The following PSMA5 variants were observed in gnomAD, a reference collection of about 807,000 sequenced individuals.
The protein encoded by PSMA5 is proteasome subunit alpha type-5.
In PSMA5, 3 loss-of-function variants were observed where a neutral mutation model predicts 34.5. That is an observed-to-expected ratio of 0.09 (90% CI 0.04 to 0.22). The LOEUF is 0.22. Among genes scored for constraint, PSMA5 ranks in the 10% least tolerant of loss-of-function variants. PSMA5 has a pLI of 1.00. For synonymous variants in PSMA5, 88 were observed against 95.8 expected, an observed-to-expected ratio of 0.92 and a Z score of 0.47; for missense variants, 120 against 286.1, an observed-to-expected ratio of 0.42 and a Z score of 4.19.
chr1:109,405,511 C>T (rs1230987828), intron 8 of PSMA5, among the ~76,000 whole-genome samples: 1 of 134,388 alleles, frequency 7.4e-6, no homozygotes, highest in Non-Finnish European at 1.5e-5. Context: ...GATTCCAGCT[C>T]ACTGCAACCT....
At chr1:109,423,268 G>A (rs1476156772) in intron 1 of PSMA5, among the ~76,000 whole-genome samples, 1 of 152,036 alleles carries the variant, frequency 6.6e-6, no homozygotes, top group African/African-American at 2.4e-5. Flanking sequence ...GTGAAACCCC[G>A]TCTCTACTAA....
At chr1:109,406,284 A>G (rs1653756743) in intron 8 of PSMA5, among the ~76,000 whole-genome samples, 1 of 152,232 alleles carries the variant, frequency 6.6e-6, no homozygotes. Context: ...AGCAGTGGAG[A>G]TAATACAGGT....
At chr1:109,402,887 T>C (rs1213088450) in intron 8 of PSMA5, among the ~76,000 whole-genome samples, 1 of 152,148 alleles carries the variant, frequency 6.6e-6, no homozygotes, top group Non-Finnish European at 1.5e-5. Context: ...GTATTTTTAG[T>C]AGAGACGGCG....
intron 2 of PSMA5, among the ~76,000 whole-genome samples, chr1:109,416,411 G>A (rs1352026512): frequency 2.0e-5 from 3 of 152,070 alleles, no homozygotes; most frequent in Admixed American, 2.0e-4. Flanking sequence ...CTCAAGCCAC[G>A]TTATCTCCTA....
chr1:109,414,807 T>G (rs112021105), intron 3 of PSMA5: 10 of 154,086 alleles, frequency 6.5e-5, no homozygotes, highest in Non-Finnish European at 1.4e-5. Flanking sequence ...GTAGAATTAC[T>G]CACCCTGTAA....
At chr1:109,405,707 T>C (rs1401168746) in intron 8 of PSMA5, among the ~76,000 whole-genome samples, 1 of 152,216 alleles carries the variant, frequency 6.6e-6, no homozygotes, top group Non-Finnish European at 1.5e-5. Context: ...ACCAAAGTGC[T>C]GGGATTACAG....
intron 2 of PSMA5, among the ~76,000 whole-genome samples, chr1:109,418,968 A>C (rs1654325484): frequency 6.6e-6 from 1 of 152,190 alleles, no homozygotes. Context: ...TAGCCTGACC[A>C]ACATGGACAA....
In PSMA5 at chr1:109,401,981, T is replaced by C. The variant is rs754958195; in HGVS notation, c.*32A>G. On this transcript the variant is annotated 3_prime_UTR_variant, in exon 9 of 9. Transcript: ENST00000271308. ...TTAAGGACATTATTAGAACTGAAATTGTCCCAGAGAAGTTCTGAGGATCAG... is the reference window on the plus strand; with the variant it reads ...TTAAGGACATTATTAGAACTGAAATCGTCCCAGAGAAGTTCTGAGGATCAG... 8.0e-6 allele frequency: 12 copies of C among 1,507,000 alleles called. No homozygotes were observed. The Admixed American group carries it at 2.1e-4, about 26-fold the overall frequency. 93.4% of individuals were successfully genotyped at this position (1,507,000 alleles called of 1,614,324 possible).
rs191752197 is a variant in PSMA5 at position 109,415,099 on chromosome 1, C to T, written c.223+138G>A. The T allele has an allele frequency of 2.3e-4, 242 of 1,038,098 alleles. No homozygotes were observed. In the African/African-American group the frequency reaches 3.5e-3, roughly 15 times the overall value. 64.3% of individuals were successfully genotyped at this position (1,038,098 alleles called of 1,614,324 possible). A position where few individuals can be genotyped will look rare whatever the true frequency, so the allele number is the denominator to read the frequency against. On this transcript the variant is annotated intron_variant, in intron 3 of 8. Coordinates refer to ENST00000271308, the MANE Select transcript of PSMA5 (RefSeq NM_002790.4). ...CAACAGCCTCCTACTCCTACATTTA[C>T]GCATTCTGGCCTACTGCCTGGAAAA...
At chr1:109,423,791 C>G (rs535089414) in intron 1 of PSMA5, among the ~76,000 whole-genome samples, 50 of 152,312 alleles carry the variant, frequency 3.3e-4, no homozygotes, top group African/African-American at 1.2e-3. Context: ...CCCTCATTAC[C>G]TTTCACCTAA....
Position 109,411,879 on chromosome 1 carries a change from C to T in PSMA5, c.456G>A (p.Gln152=), listed in dbSNP as rs1654004983. The T allele has an allele frequency of 1.2e-6, 2 of 1,611,582 alleles. No homozygotes were observed. The highest frequency in any genetic ancestry group is 1.7e-5 in the Admixed American group (1 of 59,996). ...GAAAATTACAAAATGGTACTTACAG[C>T]TGGGGTCCTTTCTCATCAACTCCTC... ...LFGGVDEKGP[Q]LFHMDPSGTF... The change falls in exon 6 of 9, where the codon CAG becomes CAA. Residue 152 remains glutamine, a splice_region_variant and synonymous_variant. Transcript: ENST00000271308.
chr1:109,413,275 A>C, intron 3 of PSMA5, 140 bp from the exon 4 acceptor site: 1 of 718,420 alleles, frequency 1.4e-6, no homozygotes, highest in South Asian at 1.7e-5. Context: ...AAAAGATTAG[A>C]TAGGAAATGA....
chr1:109,409,221 A>G (rs1653902940), intron 8 of PSMA5, among the ~76,000 whole-genome samples: 1 of 152,126 alleles, frequency 6.6e-6, no homozygotes, highest in African/African-American at 2.4e-5. Context: ...CAGTATCACA[A>G]TCTCAGCTCA....
intron 8 of PSMA5, 54 bp downstream of exon 8, chr1:109,409,874 C>T (rs1393727296): frequency 6.2e-6 from 8 of 1,293,940 alleles, no homozygotes; most frequent in Admixed American, 3.7e-5. Context: ...TATAGCCAGA[C>T]CTCATCTCTT....
Position 109,409,970 on chromosome 1 carries a change from G to C in PSMA5, c.606C>G (p.Leu202=). ...KEAIKSSLII[L]KQVMEEKLNA... is the part of the protein sequence containing the mutation. ...TCAGCTTCTCCTCCATTACTTGTTT[G>C]AGGATGATGAGTGAAGACTTGATGG... The change falls in exon 8 of 9, where the codon CTC becomes CTG. Residue 202 remains leucine, a synonymous_variant. Coordinates refer to ENST00000271308, the MANE Select transcript of PSMA5 (RefSeq NM_002790.4). 6.2e-7 allele frequency: 1 copy of C among 1,609,592 alleles called. No homozygotes were observed. The highest frequency in any genetic ancestry group is 1.3e-5 in the African/African-American group (1 of 74,788).
intron 3 of PSMA5, among the ~76,000 whole-genome samples, chr1:109,413,854 C>G (rs1571022652): frequency 6.6e-6 from 1 of 152,238 alleles, no homozygotes; most frequent in African/African-American, 2.4e-5. Flanking sequence ...TCTCCATTCT[C>G]TGGCTACTGT....
intron 8 of PSMA5, among the ~76,000 whole-genome samples, chr1:109,406,070 A>C (rs953854871): frequency 6.6e-5 from 10 of 152,202 alleles, no homozygotes; most frequent in African/African-American, 2.4e-4. Context: ...GAAATATGGG[A>C]AGATGAAATG....
At chr1:109,412,831 CA>C (rs538120172) in intron 4 of PSMA5, 17,407 of 351,534 alleles carry the variant, frequency 0.05, 135 homozygotes, top group Middle Eastern at 0.063. Flanking sequence ...TAGGCAAAGC[CA>C]AAAAAAAAAG....
At chr1:109,408,584 T>C (rs1557839923) in intron 8 of PSMA5, among the ~76,000 whole-genome samples, 4 of 152,240 alleles carry the variant, frequency 2.6e-5, no homozygotes, top group African/African-American at 9.6e-5. Flanking sequence ...GTACTCAATA[T>C]GATGCTGAAT....
Sources: gnomAD v4.1 joint callset for allele counts (sites outside exome capture counted in the v4.1 genomes callset) on GRCh38, gnomAD v4.1.1 for gene constraint, MANE v1.5 for transcripts, NCBI Gene and HGNC (gene_info 2026-07-23, HGNC 2026-07-21) for gene names.